The following RGS2 variants were observed in gnomAD, a reference collection of about 807,000 sequenced individuals.
The protein encoded by RGS2 is G0 to G1 switch regulatory 8, 24kD.
A neutral mutation model predicts 26.6 loss-of-function variants in RGS2; 20 were observed. The ratio of observed to expected loss-of-function variants is 0.75; its 90% confidence interval spans 0.53 to 1.09. RGS2 has a LOEUF of 1.09. Ranked by LOEUF, RGS2 falls within the 50% of genes least tolerant of loss-of-function variation. The pLI is 0.00. For missense variants in RGS2, 246 were observed against 245.5 expected (o/e 1.00, Z -0.01); for synonymous variants, 97 against 79.9 (o/e 1.21, Z -1.14).
Position 192,811,491 on chromosome 1 carries a change from A to G in RGS2, c.531A>G (p.Val177=), listed in dbSNP as rs776083561. 1.2e-6 allele frequency: 2 copies of G among 1,613,964 alleles called. No homozygotes were observed. The highest frequency in any genetic ancestry group is 1.7e-5 in the Admixed American group (1 of 60,012). The part of the protein sequence containing the change: ...SGCFTTAQKR[V]YSLMENNSYP... ...GCTTTACAACTGCCCAGAAAAGGGT[A>G]TACAGCTTGATGGAGAACAACTCTT... Residue 177 remains valine (V), a synonymous_variant, in exon 5 of 5, where the codon GTA becomes GTG. Transcript: ENST00000235382.
In RGS2 at chr1:192,811,133, G is replaced by C; in HGVS notation, c.427G>C (p.Glu143Gln). ...RKIYTDFIEK[E>Q]APKEINIDFQ... ...AATATATACTGACTTCATAGAAAAG[G>C]AAGCTCCAAAAGAGGTAAGGAAACA... Residue 143 changes from glutamate (E) to glutamine (Q), a missense_variant, in exon 4 of 5, where the codon GAA becomes CAA. Physicochemically the swap from Glu to Gln is conservative, Grantham distance 29 (BLOSUM62 2). Coordinates refer to ENST00000235382, the MANE Select transcript of RGS2 (RefSeq NM_002923.4). 1 of 1,614,140 alleles carries C rather than the reference G, an allele frequency of 6.2e-7. No homozygotes were observed. Among genetic ancestry groups the C allele is most frequent in the Non-Finnish European group, 8.5e-7 (1 of 1,180,010 alleles).
chr1:192,809,310 A>C (rs993680770), intron 1 of RGS2, 129 bp downstream of exon 1: 2 of 736,844 alleles, frequency 2.7e-6, no homozygotes, highest in Non-Finnish European at 5.0e-6. Flanking sequence ...AAAAATCGAA[A>C]AGGTCAATTT....
rs1041111109 is a variant in RGS2 at position 192,812,223 on chromosome 1, T to C, written c.*627T>C. Reference sequence around the variant, plus strand: ...ATCTGTCTTGAAGGCAGCTACACTTTGAAGTGGTCTTTGAATACTTTTAAT... The same window carrying C: ...ATCTGTCTTGAAGGCAGCTACACTTCGAAGTGGTCTTTGAATACTTTTAAT... On this transcript the variant is annotated 3_prime_UTR_variant, in exon 5 of 5. Transcript: ENST00000235382. The C allele has an allele frequency of 9.8e-5, 15 of 152,984 alleles. 1 individual carries two copies. Among genetic ancestry groups the C allele is most frequent in the African/African-American group, 3.6e-4 (15 of 41,468 alleles). 9.5% of individuals were successfully genotyped at this position (152,984 alleles called of 1,614,324 possible).
intron 1 of RGS2, chr1:192,809,481 CCAG>C (rs1387725898): frequency 2.3e-6 from 1 of 431,784 alleles, no homozygotes; most frequent in African/African-American, 2.0e-5. Context: ...AAGCGCGTCC[CCAG>C]CATTCATACG....
intron 3 of RGS2, chr1:192,810,713 T>G: frequency 1.6e-6 from 1 of 609,340 alleles, no homozygotes; most frequent in Non-Finnish European, 2.9e-6. Flanking sequence ...AGAGGCTTAG[T>G]TCCCAGAGAA....
chr1:192,810,044 C>A, intron 1 of RGS2, 122 bp from the exon 2 acceptor site: 1 of 704,918 alleles, frequency 1.4e-6, no homozygotes. Context: ...AGAGTTCTTG[C>A]TTTGCCTTAT....
Position 192,811,487 on chromosome 1 carries a change from G to T in RGS2, c.527G>T (p.Arg176Met). Reference protein sequence around the residue: ...TSGCFTTAQKRVYSLMENNSY... With the variant: ...TSGCFTTAQKMVYSLMENNSY... ...GGCTGCTTTACAACTGCCCAGAAAA[G>T]GGTATACAGCTTGATGGAGAACAAC... The change falls in exon 5 of 5, where the codon AGG (arginine) becomes ATG (methionine). Residue 176 changes from arginine (R) to methionine (M), a missense_variant. Coordinates refer to ENST00000235382, the MANE Select transcript of RGS2 (RefSeq NM_002923.4). 6.2e-7 allele frequency: 1 copy of T among 1,613,998 alleles called. No individual in the cohort carries two copies.
In RGS2 at chr1:192,809,076, A is replaced by G. The variant is rs141030117; in HGVS notation, c.5A>G (p.Gln2Arg). ...GGCTCCAGCGGGAGAACGATAATGCAAAGTGCTATGTTCTTGGCTGTTCAA... is the reference window on the plus strand; with the variant it reads ...GGCTCCAGCGGGAGAACGATAATGCGAAGTGCTATGTTCTTGGCTGTTCAA... M[Q>R]SAMFLAVQHD... The change falls in exon 1 of 5, where the codon CAA becomes CGA. Residue 2 changes from glutamine (Q) to arginine (R), a missense_variant. By Grantham distance (43) the Gln-to-Arg change is conservative. Transcript: ENST00000235382. The G allele has an allele frequency of 4.4e-4, 706 of 1,611,870 alleles. 2 individuals are homozygous for G. Among genetic ancestry groups the G allele is most frequent in the Middle Eastern group, 8.3e-4 (5 of 6,060 alleles).
Position 192,809,080 on chromosome 1 carries a change from T to C in RGS2, c.9T>C (p.Ser3=), listed in dbSNP as rs189578388. 6.1e-5 allele frequency: 98 copies of C among 1,612,374 alleles called. No individual in the cohort carries two copies. The East Asian group carries it at 2.0e-3, about 33-fold the overall frequency. The part of the protein sequence containing the change: MQ[S]AMFLAVQHDC... The stretch of plus-strand genomic sequence containing the variant: ...CCAGCGGGAGAACGATAATGCAAAG[T>C]GCTATGTTCTTGGCTGTTCAACACG... The change falls in exon 1 of 5, where the codon AGT becomes AGC. Residue 3 remains serine (S), a synonymous_variant. Coordinates refer to ENST00000235382, the MANE Select transcript of RGS2 (RefSeq NM_002923.4).
chr1:192,810,091 T>C (rs1451088491), intron 1 of RGS2, 75 bp from the exon 2 acceptor site: 1 of 940,042 alleles, frequency 1.1e-6, no homozygotes, highest in East Asian at 2.5e-5. Flanking sequence ...CTTTATTTGG[T>C]AAAAATGCGT....
chr1:192,809,384 T>C, intron 1 of RGS2: 2 of 593,388 alleles, frequency 3.4e-6, no homozygotes, highest in Admixed American at 5.1e-5. Flanking sequence ...AGACAGTTGA[T>C]ATGAGGGCGG....
rs752316198 is a variant in RGS2 at position 192,810,353 on chromosome 1, C to G, written c.213-17C>G. ...ACTCTGATGTGCGTAAGCTAACATA[C>G]AGAACCTCTCTTGCAGGCCTTCTCC... is the stretch of plus-strand genomic sequence containing the variant. On this transcript the variant is annotated splice_polypyrimidine_tract_variant and intron_variant, in intron 2 of 4. Coordinates refer to ENST00000235382, the MANE Select transcript of RGS2 (RefSeq NM_002923.4). The G allele has an allele frequency of 6.2e-7, 1 of 1,613,702 alleles. No individual in the cohort carries two copies. The highest frequency in any genetic ancestry group is 1.3e-5 in the African/African-American group (1 of 74,938).
chr1:192,811,237 G>A, intron 4 of RGS2, 90 bp downstream of exon 4: 2 of 1,489,740 alleles, frequency 1.3e-6, no homozygotes, highest in South Asian at 2.3e-5. Flanking sequence ...CGGGCTAGGA[G>A]GGGTAAAAAG....
intron 1 of RGS2, 185 bp downstream of exon 1, chr1:192,809,366 A>G: frequency 1.6e-6 from 1 of 628,438 alleles, no homozygotes; most frequent in South Asian, 1.7e-5. Context: ...CAGTTTAAGA[A>G]CCGAGGGAGA....
chr1:192,810,079 G>T, intron 1 of RGS2, 87 bp from the exon 2 acceptor site: 1 of 826,414 alleles, frequency 1.2e-6, no homozygotes, highest in South Asian at 1.4e-5. Flanking sequence ...GTTACTGGGT[G>T]ACTTTATTTG....
Position 192,811,756 on chromosome 1 carries a change from G to GT in RGS2, c.*161dup. 2 of 724,334 alleles carry GT rather than the reference G, an allele frequency of 2.8e-6. No individual in the cohort carries two copies. Among genetic ancestry groups the GT allele is most frequent in the Non-Finnish European group, 4.9e-6 (2 of 407,554 alleles). 44.9% of individuals were successfully genotyped at this position (724,334 alleles called of 1,614,324 possible). A position where few individuals can be genotyped will look rare whatever the true frequency, so the allele number is the denominator to read the frequency against. On this transcript the variant is annotated 3_prime_UTR_variant, in exon 5 of 5. Coordinates refer to ENST00000235382, the MANE Select transcript of RGS2 (RefSeq NM_002923.4). ...AGTTGGGTAGTGAATCAGGAAGCCA[G>GT]TAACTGACTAGGAGAAGCTGGTATC...
intron 3 of RGS2, 196 bp downstream of exon 3, chr1:192,810,627 C>A: frequency 1.5e-6 from 1 of 651,608 alleles, no homozygotes; most frequent in Non-Finnish European, 2.7e-6. Context: ...GGAAGAAAAT[C>A]AGCCTAAACA....
In RGS2 at chr1:192,811,902, C is replaced by T; in HGVS notation, c.*306C>T. 1 of 403,754 alleles carries T rather than the reference C, an allele frequency of 2.5e-6. No individual in the cohort carries two copies. Among genetic ancestry groups the T allele is most frequent in the Non-Finnish European group, 4.6e-6 (1 of 215,704 alleles). 25.0% of individuals were successfully genotyped at this position (403,754 alleles called of 1,614,324 possible). ...AAGAGACAATGTAATACTGTTGGTC[C>T]AAAAGCATTTAAAATCAATAGATCT... On this transcript the variant is annotated 3_prime_UTR_variant, in exon 5 of 5. Coordinates refer to ENST00000235382, the MANE Select transcript of RGS2 (RefSeq NM_002923.4).
rs762939759 is a variant in RGS2 at position 192,810,316 on chromosome 1, C to G, written c.212+49C>G. The G allele has an allele frequency of 3.2e-5, 52 of 1,604,414 alleles. 1 individual carries two copies. In the East Asian group the frequency reaches 1.2e-3, roughly 36 times the overall value. ...CAAATATCAATAGTTAGCTGCTGAA[C>G]TGAAAAGGGGAACTCTGATGTGCGT... On this transcript the variant is annotated intron_variant, in intron 2 of 4. Coordinates refer to ENST00000235382, the MANE Select transcript of RGS2 (RefSeq NM_002923.4).
Sources: gnomAD v4.1 joint callset for allele counts on GRCh38, gnomAD v4.1.1 for gene constraint, MANE v1.5 for transcripts, NCBI Gene and HGNC (gene_info 2026-07-23, HGNC 2026-07-21) for gene names.